The following SECISBP2L variants were observed in gnomAD, a reference collection of about 807,000 sequenced individuals.
The protein encoded by SECISBP2L is selenocysteine insertion sequence-binding protein 2-like.
A neutral mutation model predicts 114.7 loss-of-function variants in SECISBP2L; 43 were observed. That is an observed-to-expected ratio of 0.38 (90% CI 0.29 to 0.48). The LOEUF (loss-of-function observed/expected upper bound fraction) is 0.48. SECISBP2L is among the 20% of genes least tolerant of loss of function. The pLI is 0.98. For missense variants in SECISBP2L, 1,136 were observed against 1,301.1 expected (o/e 0.87, Z 1.95); for synonymous variants, 451 against 439.7 (o/e 1.03, Z -0.32).
rs1902281683 is a variant in SECISBP2L at position 49,004,695 on chromosome 15, T to C, written c.2028-3598A>G. Among the ~76,000 whole-genome samples the C allele has an allele frequency of 2.0e-5, 3 of 152,244 alleles. No individual in the cohort carries two copies. In the South Asian group the frequency reaches 6.2e-4, roughly 31 times the overall value. The stretch of plus-strand genomic sequence containing the variant: ...TGCCTTAATTTCGTTATTTACCCAG[T>C]AGTCATTCAGGAACAGGTTGCTCAG... On this transcript the variant is annotated intron_variant, in intron 14 of 17. Coordinates refer to ENST00000559471, the MANE Select transcript of SECISBP2L (RefSeq NM_001193489.2).
chr15:49,003,903 T>C (rs993072560), intron 14 of SECISBP2L, among the ~76,000 whole-genome samples: 1 of 152,226 alleles, frequency 6.6e-6, no homozygotes, highest in Non-Finnish European at 1.5e-5. Context: ...AAATTTTCTT[T>C]TTTTGTTGTG....
chr15:49,033,950 G>C (rs1357717415), intron 3 of SECISBP2L, among the ~76,000 whole-genome samples: 1 of 152,188 alleles, frequency 6.6e-6, no homozygotes, highest in East Asian at 1.9e-4. Context: ...TTAACTTCTT[G>C]AACGTCTGAA....
chr15:48,996,619 T>C, intron 16 of SECISBP2L, 33 bp from the exon 17 acceptor site: 1 of 1,574,234 alleles, frequency 6.4e-7, no homozygotes, highest in Non-Finnish European at 8.7e-7. Context: ...TTAATCCATT[T>C]TTTTGTTACA....
At chr15:49,034,684 A>G (rs1216123289) in intron 3 of SECISBP2L, among the ~76,000 whole-genome samples, 1 of 21,164 alleles carries the variant, frequency 4.7e-5, no homozygotes, top group African/African-American at 1.6e-4. Flanking sequence ...TTTTTTTTTG[A>G]GACAGGGTGT....
At chr15:49,003,313 G>A (rs1243501269) in intron 14 of SECISBP2L, among the ~76,000 whole-genome samples, 1 of 152,196 alleles carries the variant, frequency 6.6e-6, no homozygotes, top group Admixed American at 6.5e-5. Context: ...TGCTGAAGTT[G>A]CTTATCAGCT....
At chr15:49,026,074 C>A (rs185990555) in intron 7 of SECISBP2L, among the ~76,000 whole-genome samples, 1 of 152,128 alleles carries the variant, frequency 6.6e-6, no homozygotes, top group Non-Finnish European at 1.5e-5. Context: ...TCATTCACAG[C>A]AACATGGATG....
chr15:49,004,400 G>A (rs533449484), intron 14 of SECISBP2L, among the ~76,000 whole-genome samples: 2 of 152,072 alleles, frequency 1.3e-5, no homozygotes, highest in South Asian at 4.1e-4. Flanking sequence ...TTCATTGACT[G>A]TTTGAAGGGT....
At position 48,992,641 on chromosome 15, in the gene SECISBP2L, T is replaced by C. The variant is rs1240287561; in HGVS notation, c.2909A>G (p.Asp970Gly). 1.9e-6 allele frequency: 3 copies of C among 1,614,154 alleles called. No homozygotes were observed. Among genetic ancestry groups the C allele is most frequent in the Non-Finnish European group, 2.5e-6 (3 of 1,180,026 alleles). ...ETGSLDGSCRDLLNSSITSTT... is the reference protein window; with the variant it reads ...ETGSLDGSCRGLLNSSITSTT... ...GCTGGTGATGGAGGAATTCAAAAGA[T>C]CTCGGCAACTGCCATCCAAAGAGCC... Residue 970 changes from aspartate (D) to glycine (G), a missense_variant, in exon 18 of 18, where the codon GAT (aspartate) becomes GGT (glycine). By Grantham distance (94) the Asp-to-Gly change is moderately conservative (BLOSUM62 -1). This residue lies in a region of SECISBP2L where 684 missense variants were observed against 848.7 expected (regional missense o/e 0.81). Coordinates refer to ENST00000559471, the MANE Select transcript of SECISBP2L (RefSeq NM_001193489.2).
Position 49,012,749 on chromosome 15 carries a change from A to G in SECISBP2L, c.1630T>C (p.Cys544Arg), listed in dbSNP as rs781422387. ...TCCACAGAATTAAAGGATGTCAAAC[A>G]GGGCTGACTTTTGGTTAAAGGTTTT... is the stretch of plus-strand genomic sequence containing the variant. ...NRKPLTKSQPCLTSFNSVDIA... is the reference protein window; with the variant it reads ...NRKPLTKSQPRLTSFNSVDIA... Residue 544 changes from cysteine (C) to arginine (R), a missense_variant, in exon 12 of 18, where the codon TGT becomes CGT. Cys to Arg is a radical substitution (Grantham distance 180, BLOSUM62 -3). Coordinates refer to ENST00000559471, the MANE Select transcript of SECISBP2L (RefSeq NM_001193489.2). 6.2e-6 allele frequency: 10 copies of G among 1,613,986 alleles called. No individual in the cohort carries two copies. The highest frequency in any genetic ancestry group is 8.5e-6 in the Non-Finnish European group (10 of 1,179,936).
chr15:48,993,069 T>C, intron 17 of SECISBP2L, 143 bp from the exon 18 acceptor site: 1 of 691,950 alleles, frequency 1.4e-6, no homozygotes, highest in Non-Finnish European at 2.4e-6. Context: ...ACAAATTTAG[T>C]TTATTTAGTA....
chr15:49,023,610 T>C (rs1265590822), intron 7 of SECISBP2L, among the ~76,000 whole-genome samples: 1 of 152,216 alleles, frequency 6.6e-6, no homozygotes, highest in Non-Finnish European at 1.5e-5. Context: ...CAGCAACAGT[T>C]TGCAAACAAC....
At chr15:48,996,176 G>A (rs1902080996) in intron 17 of SECISBP2L, among the ~76,000 whole-genome samples, 191 bp downstream of exon 17, 1 of 151,938 alleles carries the variant, frequency 6.6e-6, no homozygotes, top group African/African-American at 2.4e-5. Context: ...TAAATTCTGG[G>A]GTCTCATAAG....
intron 8 of SECISBP2L, 68 bp from the exon 9 acceptor site, chr15:49,017,696 A>T: frequency 9.5e-7 from 1 of 1,052,096 alleles, no homozygotes; most frequent in East Asian, 2.5e-5. Context: ...TAATGCTTAG[A>T]AGTATTGAAA....
intron 1 of SECISBP2L, among the ~76,000 whole-genome samples, chr15:49,038,836 T>G (rs137881852): frequency 2.0e-5 from 3 of 152,194 alleles, no homozygotes; most frequent in African/African-American, 7.2e-5. Flanking sequence ...TTTTAACTAC[T>G]GTAAAAAATT....
intron 7 of SECISBP2L, among the ~76,000 whole-genome samples, chr15:49,024,352 C>T (rs1455557676): frequency 6.6e-6 from 1 of 151,764 alleles, no homozygotes; most frequent in African/African-American, 2.4e-5. Context: ...AAAAATTACC[C>T]ACATGTGGTG....
At chr15:49,014,451 A>AT (rs1902497746) in intron 11 of SECISBP2L, among the ~76,000 whole-genome samples, 1 of 152,196 alleles carries the variant, frequency 6.6e-6, no homozygotes, top group Non-Finnish European at 1.5e-5. Context: ...ATACATTCAT[A>AT]ACTATATGCT....
intron 1 of SECISBP2L, 112 bp from the exon 2 acceptor site, chr15:49,037,881 T>C: frequency 1.4e-6 from 1 of 714,066 alleles, no homozygotes; most frequent in Non-Finnish European, 2.1e-6. Context: ...AGGTCTCTTC[T>C]CAGCATTCAT....
At chr15:49,034,878 G>A (rs1458862686) in intron 3 of SECISBP2L, among the ~76,000 whole-genome samples, 1 of 151,970 alleles carries the variant, frequency 6.6e-6, no homozygotes, top group African/African-American at 2.4e-5. Flanking sequence ...GCCCAGACTG[G>A]TCTCAAACTC....
chr15:49,025,225 G>A (rs1029870579), intron 7 of SECISBP2L, among the ~76,000 whole-genome samples: 4 of 152,164 alleles, frequency 2.6e-5, no homozygotes, highest in Admixed American at 2.0e-4. Context: ...CCACATGGAA[G>A]AGTGAATTAT....
Sources: gnomAD v4.1 joint callset for allele counts (sites outside exome capture counted in the v4.1 genomes callset) on GRCh38, gnomAD v4.1.1 for gene constraint, gnomAD v4.1.1 regional missense constraint, MANE v1.5 for transcripts, NCBI Gene and HGNC (gene_info 2026-07-23, HGNC 2026-07-21) for gene names.